The following GRHL3 variants were observed in gnomAD, a reference collection of about 807,000 sequenced individuals.
The protein encoded by GRHL3 is grainyhead-like protein 3 homolog.
GRHL3 carries 20 observed loss-of-function variants against 70.3 expected under a neutral mutation model. The ratio of observed to expected loss-of-function variants is 0.28; its 90% CI spans 0.20 to 0.41. The LOEUF (loss-of-function observed/expected upper bound fraction) is 0.41. Among genes scored for constraint, GRHL3 ranks in the 10% least tolerant of loss-of-function variants. GRHL3 has a pLI of 1.00. For synonymous variants in GRHL3, 299 were observed against 299.9 expected (o/e 1.00, Z 0.03); for missense variants, 637 against 762.3 (o/e 0.84, Z 1.94).
At chr1:24,325,377 C>T (rs1486511110) in intron 1 of GRHL3, among the ~76,000 whole-genome samples, 1 of 152,196 alleles carries the variant, frequency 6.6e-6, no homozygotes, top group Non-Finnish European at 1.5e-5. Context: ...CTGCCGTATG[C>T]TGCATGTCCT....
downstream of GRHL3, chr1:24,356,987 G>T (rs1227661749): frequency 6.6e-6 from 1 of 151,214 alleles, no homozygotes; most frequent in East Asian, 1.9e-4. Flanking sequence ...AAATTAAGGG[G>T]TACCCAAAAG....
intron 13 of GRHL3, among the ~76,000 whole-genome samples, 165 bp from the exon 14 acceptor site, chr1:24,347,303 T>G (rs989745152): frequency 2.6e-5 from 4 of 152,114 alleles, no homozygotes; most frequent in African/African-American, 9.7e-5. Flanking sequence ...AAGCACAGCT[T>G]AAGAGGGTGC....
chr1:24,353,098 T>C (rs1640581155), intron 15 of GRHL3, among the ~76,000 whole-genome samples: 1 of 152,226 alleles, frequency 6.6e-6, no homozygotes, highest in African/African-American at 2.4e-5. Context: ...CTAAAAATGA[T>C]ACAGTAGAAA....
intron 11 of GRHL3, among the ~76,000 whole-genome samples, chr1:24,344,492 A>G (rs1640168906): frequency 9.6e-6 from 1 of 104,120 alleles, no homozygotes; most frequent in Admixed American, 8.5e-5. Flanking sequence ...CCAGAAAAAA[A>G]AAAAAAAAAA....
intron 1 of GRHL3, among the ~76,000 whole-genome samples, chr1:24,328,546 C>T (rs906776347): frequency 2.0e-4 from 31 of 152,218 alleles, no homozygotes; most frequent in South Asian, 6.2e-4. Context: ...GTCACTTTAT[C>T]GTTGTCTTCT....
intron 11 of GRHL3, among the ~76,000 whole-genome samples, chr1:24,344,477 TC>T (rs1476246705): frequency 1.0e-4 from 9 of 89,328 alleles, no homozygotes; most frequent in African/African-American, 3.9e-4. Context: ...GGAGACTCTT[TC>T]CCCCCAGAAA....
At position 24,354,451 on chromosome 1, in the gene GRHL3, T is replaced by C; in HGVS notation, c.1772T>C (p.Leu591Pro). Reference sequence around the variant, plus strand: ...GCCTTCCTGCTGGACATGGGGGAGCTGGACGGCAAAATTCAGATCATCCTT... The same window carrying C: ...GCCTTCCTGCTGGACATGGGGGAGCCGGACGGCAAAATTCAGATCATCCTT... ...HVAFLLDMGE[L>P]DGKIQIILKE... is the part of the protein sequence containing the mutation. The change falls in exon 16 of 16, where the codon CTG becomes CCG. Residue 591 changes from leucine to proline, a missense_variant. This residue lies in a region of GRHL3 where 387 missense variants were observed against 513.8 expected (regional missense o/e 0.75). Coordinates refer to ENST00000361548, the MANE Select transcript of GRHL3 (RefSeq NM_198173.3). 1 of 1,613,784 alleles carries C rather than the reference T, an allele frequency of 6.2e-7. No individual in the cohort carries two copies. Among genetic ancestry groups the C allele is most frequent in the South Asian group, 1.1e-5 (1 of 91,068 alleles).
Position 24,339,760 on chromosome 1 carries a change from A to G in GRHL3, c.1045A>G (p.Lys349Glu), listed in dbSNP as rs1321596578. The G allele has an allele frequency of 6.2e-7, 1 of 1,608,618 alleles. No homozygotes were observed. ...SFVWNVNEEA[K>E]VFIGVNCLST... The stretch of plus-strand genomic sequence containing the variant: ...TGTGTGGAACGTGAATGAAGAGGCC[A>G]AGGTCAGTGCTGAGGGCAGTGGCTG... The change falls in exon 8 of 16, where the codon AAG becomes GAG. Residue 349 changes from lysine (K) to glutamate (E), a missense_variant and splice_region_variant. Coordinates refer to ENST00000361548, the MANE Select transcript of GRHL3 (RefSeq NM_198173.3).
At position 24,342,679 on chromosome 1, in the gene GRHL3, C is replaced by T; in HGVS notation, c.1207-15C>T. On this transcript the variant is annotated splice_polypyrimidine_tract_variant and intron_variant, in intron 9 of 15. Transcript: ENST00000361548. The surrounding 1 kb of genome is among the most constrained non-coding windows in gnomAD (Gnocchi z 4.8). ...TCCCAGGCCCTTGGTGACCCTCTCT[C>T]CTTCTCCCCTGCAGGGAGCTGAGAG... The T allele has an allele frequency of 6.2e-7, 1 of 1,613,512 alleles. No individual in the cohort carries two copies. The highest frequency in any genetic ancestry group is 8.5e-7 in the Non-Finnish European group (1 of 1,179,378).
intron 15 of GRHL3, among the ~76,000 whole-genome samples, chr1:24,352,486 C>A (rs919764728): frequency 6.6e-6 from 1 of 152,114 alleles, no homozygotes; most frequent in Non-Finnish European, 1.5e-5. Flanking sequence ...CTCAGGGGCC[C>A]GCTGTCATTA....
chr1:24,333,685 T>C (rs778292906), intron 2 of GRHL3, among the ~76,000 whole-genome samples: 1 of 152,064 alleles, frequency 6.6e-6, no homozygotes, highest in Non-Finnish European at 1.5e-5. Context: ...AGCTAGTATG[T>C]GGTAGGTCTA....
At chr1:24,364,243 T>A (rs1410325513) in exon 16 of GRHL3, 3 of 1,548,148 alleles carry the variant, frequency 1.9e-6, no homozygotes, top group South Asian at 2.4e-5. Flanking sequence ...CTGTCTTGAA[T>A]GTTCCCATCC....
chr1:24,319,813 G>T lies in GRHL3; in HGVS notation c.17+245G>T, dbSNP rs563075218. The T allele has an allele frequency of 8.1e-6, 10 of 1,235,976 alleles. No homozygotes were observed. In the African/African-American group the frequency reaches 1.5e-4, roughly 19 times the overall value. 76.6% of individuals were successfully genotyped at this position (1,235,976 alleles called of 1,614,324 possible). On this transcript the variant is annotated intron_variant, in intron 1 of 15. Coordinates refer to ENST00000361548, the MANE Select transcript of GRHL3 (RefSeq NM_198173.3). ...TGCTGAGCAGTTTCGAGCCAGGCAG[G>T]GAAACACAAGACTGAAACTGTGAAG...
Position 24,336,576 on chromosome 1 carries a change from C to A in GRHL3, c.361C>A (p.Pro121Thr). ...CCTGACAGAGAACGTGTCTGGAACC[C>A]CAGAGTACCCAGATTTGCTCAAGAA... ...KFLTENVSGTPEYPDLLKKNN... is the reference protein window; with the variant it reads ...KFLTENVSGTTEYPDLLKKNN... Residue 121 changes from proline (P) to threonine (T), a missense_variant, in exon 4 of 16, where the codon CCA (proline) becomes ACA (threonine). Pro to Thr is a conservative substitution (Grantham distance 38). Transcript: ENST00000361548. 1.2e-6 allele frequency: 2 copies of A among 1,613,966 alleles called. No individual in the cohort carries two copies. The highest frequency in any genetic ancestry group is 1.7e-6 in the Non-Finnish European group (2 of 1,179,916).
At chr1:24,330,046 G>A (rs1458400098) in intron 1 of GRHL3, among the ~76,000 whole-genome samples, 1 of 152,058 alleles carries the variant, frequency 6.6e-6, no homozygotes, top group Non-Finnish European at 1.5e-5. Flanking sequence ...TCCAGGGGTG[G>A]GGCCCAACAA....
chr1:24,336,475 T>C lies in GRHL3; in HGVS notation c.267-7T>C. ...AAGTACACTCAGCCCCTTTTCTTTC[T>C]CCCCAGGTACTACCATGGCATGGAA... is the stretch of plus-strand genomic sequence containing the variant. On this transcript the variant is annotated splice_polypyrimidine_tract_variant and splice_region_variant and intron_variant, in intron 3 of 15. Transcript: ENST00000361548. 7 of 1,545,002 alleles carry C rather than the reference T, an allele frequency of 4.5e-6. No homozygotes were observed. Among genetic ancestry groups the C allele is most frequent in the Non-Finnish European group, 6.1e-6 (7 of 1,141,618 alleles).
intron 15 of GRHL3, among the ~76,000 whole-genome samples, chr1:24,354,089 T>A (rs1343457782): frequency 6.6e-6 from 1 of 152,222 alleles, no homozygotes; most frequent in African/African-American, 2.4e-5. Flanking sequence ...TGAGTGTCCA[T>A]CCTCGGGTGT....
chr1:24,328,212 C>T (rs1015135392), intron 1 of GRHL3, among the ~76,000 whole-genome samples: 6 of 152,146 alleles, frequency 3.9e-5, no homozygotes, highest in Admixed American at 2.6e-4. Flanking sequence ...CTGTGTAGTC[C>T]GACAGCTCCA....
intron 3 of GRHL3, among the ~76,000 whole-genome samples, chr1:24,335,858 A>G (rs1386619829): frequency 2.0e-5 from 3 of 152,224 alleles, no homozygotes; most frequent in Non-Finnish European, 4.4e-5. Context: ...CTGGGATTAC[A>G]GGCGTGAGCC....
Sources: allele counts gnomAD v4.1 joint callset (sites outside exome capture counted in the v4.1 genomes callset), GRCh38; gene constraint gnomAD v4.1.1; regional missense constraint gnomAD v4.1.1; non-coding constraint Gnocchi (gnomAD v3.1); transcripts MANE v1.5; gene names NCBI Gene and HGNC (gene_info 2026-07-23, HGNC 2026-07-21).